LRIG3: variants seen among roughly 807,000 people sequenced by gnomAD.
LRIG3 encodes leucine rich repeats and immunoglobulin like domains 3.
In LRIG3, 76 loss-of-function variants were observed where a neutral mutation model predicts 114.5. The ratio of observed to expected loss-of-function variants is 0.66; its 90% confidence interval spans 0.55 to 0.80. The LOEUF is 0.80. Among genes scored for constraint, LRIG3 ranks in the 30% least tolerant of loss-of-function variants. LRIG3 has a pLI of 0.00. For synonymous variants in LRIG3, 512 were observed against 519.8 expected (o/e 0.98, Z 0.20); for missense variants, 1,239 against 1,382.8 (o/e 0.90, Z 1.65).
intron 14 of LRIG3, 91 bp from the exon 15 acceptor site, chr12:58,877,943 C>G (rs1870985534): frequency 7.7e-6 from 10 of 1,305,186 alleles, no homozygotes; most frequent in Middle Eastern, 5.2e-4. Flanking sequence ...AAATTGTAAC[C>G]TAAAATTTTA....
chr12:58,919,262 TA>T (rs1327344073), intron 1 of LRIG3, among the ~76,000 whole-genome samples: 1 of 152,182 alleles, frequency 6.6e-6, no homozygotes, highest in Non-Finnish European at 1.5e-5. Flanking sequence ...ACTTCGCAGC[TA>T]AAAATCCAAA....
At chr12:58,885,230 A>G (rs886116573) in intron 10 of LRIG3, among the ~76,000 whole-genome samples, 1 of 152,172 alleles carries the variant, frequency 6.6e-6, no homozygotes, top group Non-Finnish European at 1.5e-5. Flanking sequence ...AAAAGAGAAC[A>G]ATGGTAAGGG....
chr12:58,880,090 T>A lies in LRIG3; in HGVS notation c.1801+491A>T, dbSNP rs1000790356. 3.3e-5 allele frequency among the ~76,000 whole-genome samples: 5 copies of A among 152,056 alleles called. No homozygotes were observed. The East Asian group carries it at 9.7e-4, about 29-fold the overall frequency. ...GGTGGGCAGATCACAAGGTCAGGCG[T>A]TCGAGACCAGCCTGACCAATATAGT... On this transcript the variant is annotated intron_variant, in intron 13 of 18. Coordinates refer to ENST00000320743, the MANE Select transcript of LRIG3 (RefSeq NM_153377.5).
At position 58,872,267 on chromosome 12, in the gene LRIG3, A is replaced by G. The variant is rs1870762074; in HGVS notation, c.*305T>C. Reference sequence around the variant, plus strand: ...AAAATGCTTTAGTAACTCATTTTCCATAAAAAGAAATCTGGCATTATAAAA... The same window carrying G: ...AAAATGCTTTAGTAACTCATTTTCCGTAAAAAGAAATCTGGCATTATAAAA... On this transcript the variant is annotated 3_prime_UTR_variant, in exon 19 of 19. Transcript: ENST00000320743. The G allele has an allele frequency of 5.7e-6, 1 of 175,856 alleles. No individual in the cohort carries two copies. The highest frequency in any genetic ancestry group is 6.0e-5 in the Admixed American group (1 of 16,686). 10.9% of individuals were successfully genotyped at this position (175,856 alleles called of 1,614,324 possible).
chr12:58,901,977 C>CT (rs1871868602), intron 3 of LRIG3, among the ~76,000 whole-genome samples: 1 of 152,154 alleles, frequency 6.6e-6, no homozygotes, highest in African/African-American at 2.4e-5. Flanking sequence ...CAACAACGCA[C>CT]TAAACTATCA....
chr12:58,883,129 G>C, intron 11 of LRIG3, 97 bp from the exon 12 acceptor site: 1 of 1,193,870 alleles, frequency 8.4e-7, no homozygotes, highest in East Asian at 2.5e-5. Flanking sequence ...AATGAATTTG[G>C]AAACTGAATA....
At chr12:58,888,735 G>A in intron 6 of LRIG3, 84 bp downstream of exon 6, 1 of 1,501,504 alleles carries the variant, frequency 6.7e-7, no homozygotes, top group Non-Finnish European at 9.0e-7. Context: ...TTTAACATAG[G>A]ATTTCACATA....
intron 1 of LRIG3, among the ~76,000 whole-genome samples, chr12:58,916,736 A>C (rs1267257098): frequency 6.6e-6 from 1 of 152,208 alleles, no homozygotes; most frequent in Non-Finnish European, 1.5e-5. Context: ...CTGTACCCAG[A>C]GCTCAGCTGG....
chr12:58,894,178 G>C (rs999585896), intron 3 of LRIG3, among the ~76,000 whole-genome samples: 2 of 152,322 alleles, frequency 1.3e-5, no homozygotes, highest in Middle Eastern at 3.4e-3. Context: ...GCAATTTCCT[G>C]AACTGCACAC....
chr12:58,900,787 G>T (rs1437375295), intron 3 of LRIG3, among the ~76,000 whole-genome samples: 2 of 152,106 alleles, frequency 1.3e-5, no homozygotes, highest in Non-Finnish European at 2.9e-5. Context: ...ACAGACCAAC[G>T]GACCAGAATG....
intron 3 of LRIG3, among the ~76,000 whole-genome samples, chr12:58,904,324 C>A (rs2120958099): frequency 6.6e-6 from 1 of 152,202 alleles, no homozygotes; most frequent in Middle Eastern, 3.4e-3. Context: ...CTTGCCATCC[C>A]AGTCATGAAA....
intron 3 of LRIG3, among the ~76,000 whole-genome samples, chr12:58,911,479 T>A (rs185534405): frequency 1.3e-5 from 2 of 152,312 alleles, no homozygotes; most frequent in East Asian, 3.9e-4. Flanking sequence ...TCAAACTATT[T>A]AACCTGTGCA....
At chr12:58,919,347 T>G (rs1872587345) in intron 1 of LRIG3, 15 of 1,542,600 alleles carry the variant, frequency 9.7e-6, no homozygotes, top group Non-Finnish European at 1.2e-5. Flanking sequence ...AATCACGCCC[T>G]TGATTCTGGA....
At chr12:58,873,466 A>T (rs1870803545) in intron 18 of LRIG3, 1 of 154,102 alleles carries the variant, frequency 6.5e-6, no homozygotes, top group African/African-American at 2.4e-5. Context: ...TTCAGTGAAA[A>T]GATGACCTCA....
At chr12:58,880,110 T>C (rs1267484988) in intron 13 of LRIG3, among the ~76,000 whole-genome samples, 3 of 151,932 alleles carry the variant, frequency 2.0e-5, no homozygotes, top group African/African-American at 4.8e-5. Context: ...GCCTGACCAA[T>C]ATAGTGAAAC....
intron 1 of LRIG3, among the ~76,000 whole-genome samples, chr12:58,917,092 G>A (rs943523980): frequency 6.6e-6 from 1 of 152,078 alleles, no homozygotes; most frequent in African/African-American, 2.4e-5. Flanking sequence ...GGAAAATACA[G>A]AAAAACAGCT....
Position 58,919,319 on chromosome 12 carries a change from G to A in LRIG3, c.236+681C>T, listed in dbSNP as rs1872586454. On this transcript the variant is annotated intron_variant, in intron 1 of 18. Transcript: ENST00000320743. Reference sequence around the variant, plus strand: ...GCGCTCTCCCCTAAACCGTCTGGGCGTTCTGAGGAGCTACAGAAATCACGC... The same window carrying A: ...GCGCTCTCCCCTAAACCGTCTGGGCATTCTGAGGAGCTACAGAAATCACGC... 41 of 1,476,098 alleles carry A rather than the reference G, an allele frequency of 2.8e-5. No individual in the cohort carries two copies. In the South Asian group the frequency reaches 3.6e-4, roughly 13 times the overall value. 91.4% of individuals were successfully genotyped at this position (1,476,098 alleles called of 1,614,324 possible).
At chr12:58,873,735 A>G (rs1421867142) in intron 18 of LRIG3, 2 of 386,520 alleles carry the variant, frequency 5.2e-6, no homozygotes, top group Non-Finnish European at 9.4e-6. Flanking sequence ...AGGCCGTGGG[A>G]GCCCAAAACC....
chr12:58,900,327 G>A (rs527312471), intron 3 of LRIG3, among the ~76,000 whole-genome samples: 2 of 149,794 alleles, frequency 1.3e-5, no homozygotes, highest in South Asian at 2.1e-4. Flanking sequence ...CTCTAAGTCA[G>A]TTACAATTTA....
Sources: allele counts gnomAD v4.1 joint callset (sites outside exome capture counted in the v4.1 genomes callset), GRCh38; gene constraint gnomAD v4.1.1; transcripts MANE v1.5; gene names NCBI Gene and HGNC (gene_info 2026-07-23, HGNC 2026-07-21).